The following HSPA2 variants were observed in gnomAD, a reference collection of about 807,000 sequenced individuals.
HSPA2 encodes heat shock-related 70 kDa protein 2.
In HSPA2, 13 loss-of-function variants were observed where a neutral mutation model predicts 35.0. The observed-to-expected ratio is 0.37, with a 90% CI of 0.24 to 0.59. The LOEUF is 0.59. Ranked by LOEUF, HSPA2 falls within the 20% of genes least tolerant of loss-of-function variation. The pLI is 0.70. For synonymous variants in HSPA2, 368 were observed against 382.1 expected (o/e 0.96, Z 0.43); for missense variants, 565 against 885.4 (o/e 0.64, Z 4.59).
At chr14:64,539,826 C>G (rs562367618), upstream of HSPA2, among the ~76,000 whole-genome samples, 18 of 152,310 alleles carry the variant, frequency 1.2e-4, no homozygotes, top group South Asian at 3.5e-3. Context: ...AGACTACAGG[C>G]ACGCGCCACC....
rs1391283956 is a variant in HSPA2 at position 64,541,721 on chromosome 14, A to G, written c.872A>G (p.Tyr291Cys). ...GCGAGCATCGAGATCGACTCGCTCT[A>G]CGAGGGCGTGGACTTCTATACGTCC... ...TQASIEIDSL[Y>C]EGVDFYTSIT... The change falls in exon 1 of 1, where the codon TAC (tyrosine) becomes TGC (cysteine). Residue 291 changes from tyrosine (Y) to cysteine (C), a missense_variant. This residue lies in a region of HSPA2 where 234 missense variants were observed against 419.0 expected (regional missense o/e 0.56). Coordinates refer to ENST00000247207, the MANE Select transcript of HSPA2 (RefSeq NM_021979.4). 1 of 1,611,932 alleles carries G rather than the reference A, an allele frequency of 6.2e-7. No homozygotes were observed. Among genetic ancestry groups the G allele is most frequent in the South Asian group, 1.1e-5 (1 of 90,968 alleles).
chr14:64,538,070 A>C (rs1281253943), upstream of HSPA2, among the ~76,000 whole-genome samples: 1 of 152,102 alleles, frequency 6.6e-6, no homozygotes, highest in Non-Finnish European at 1.5e-5. Context: ...AAATTTTTTC[A>C]AATTCATGGA....
At chr14:64,537,453 G>A (rs946675627), upstream of HSPA2, among the ~76,000 whole-genome samples, 3 of 151,844 alleles carry the variant, frequency 2.0e-5, no homozygotes, top group Non-Finnish European at 4.4e-5. Context: ...TTAGATGGAC[G>A]TGCTGGTGCA....
chr14:64,537,452 C>T (rs182795432), upstream of HSPA2, among the ~76,000 whole-genome samples: 5 of 151,940 alleles, frequency 3.3e-5, no homozygotes, highest in East Asian at 2.0e-4. Flanking sequence ...ATTAGATGGA[C>T]GTGCTGGTGC....
Position 64,541,722 on chromosome 14 carries a change from C to G in HSPA2, c.873C>G (p.Tyr291Ter). The G allele has an allele frequency of 6.2e-7, 1 of 1,611,860 alleles. No individual in the cohort carries two copies. Among genetic ancestry groups the G allele is most frequent in the Non-Finnish European group, 8.5e-7 (1 of 1,179,504 alleles). Residue 291 changes from tyrosine (Y) to a stop codon, truncating the protein, a stop_gained, in exon 1 of 1, where the codon TAC (tyrosine) becomes TAG (stop). Coordinates refer to ENST00000247207, the MANE Select transcript of HSPA2 (RefSeq NM_021979.4). LOFTEE classifies it high-confidence loss of function. ...CGAGCATCGAGATCGACTCGCTCTA[C>G]GAGGGCGTGGACTTCTATACGTCCA... ...TQASIEIDSL[Y>*]EGVDFYTSIT... is the part of the protein sequence containing the mutation.
rs902842065 is a variant in HSPA2, at chr14:64,540,750, G to A, written c.-100G>A. On this transcript the variant is annotated 5_prime_UTR_variant, in exon 1 of 1. Transcript: ENST00000247207. ...CTGGGCGCGGGGAGCTGAGTTGCTG[G>A]TAGTGCCCGTGGTGCTTGGTTCGAG... is the stretch of plus-strand genomic sequence containing the variant. The A allele has an allele frequency of 1.0e-5, 16 of 1,529,996 alleles. No individual in the cohort carries two copies. The African/African-American group carries it at 2.1e-4, about 20-fold the overall frequency. The allele number at this position is 1,529,996 out of a possible 1,614,324, so 94.8% of individuals were successfully genotyped here.
upstream of HSPA2, among the ~76,000 whole-genome samples, chr14:64,538,077 T>G (rs929348518): frequency 6.6e-6 from 1 of 152,176 alleles, no homozygotes; most frequent in South Asian, 2.1e-4. Context: ...TTCAAATTCA[T>G]GGAAAAGAGG....
chr14:64,541,851 C>G lies in HSPA2; in HGVS notation c.1002C>G (p.Ile334Met), dbSNP rs1156330536. ...ACGCCAAGCTGGACAAGGGCCAGAT[C>G]CAGGAGATCGTGCTGGTGGGCGGCT... ...LRDAKLDKGQ[I>M]QEIVLVGGST... Residue 334 changes from isoleucine (I) to methionine (M), a missense_variant, in exon 1 of 1, where the codon ATC (isoleucine) becomes ATG (methionine). By Grantham distance (10) the Ile-to-Met change is conservative. Around this residue, in one of 4 missense-constraint regions of HSPA2, gnomAD observed 234 missense variants for 419.0 expected, o/e 0.56. Coordinates refer to ENST00000247207, the MANE Select transcript of HSPA2 (RefSeq NM_021979.4). 6.2e-7 allele frequency: 1 copy of G among 1,613,644 alleles called. No homozygotes were observed. Among genetic ancestry groups the G allele is most frequent in the Non-Finnish European group, 8.5e-7 (1 of 1,180,038 alleles).
At chr14:64,538,633 T>G (rs1240199587), upstream of HSPA2, among the ~76,000 whole-genome samples, 1 of 152,246 alleles carries the variant, frequency 6.6e-6, no homozygotes, top group African/African-American at 2.4e-5. Flanking sequence ...TGCCCCTCTG[T>G]GTTCCCATGG....
upstream of HSPA2, among the ~76,000 whole-genome samples, chr14:64,539,889 C>T (rs1182914377): frequency 6.6e-6 from 1 of 152,168 alleles, no homozygotes; most frequent in African/African-American, 2.4e-5. Context: ...ACCATGTTGG[C>T]CAGGATGGTC....
chr14:64,541,424 C>T lies in HSPA2; in HGVS notation c.575C>T (p.Ala192Val), dbSNP rs2140204262. The stretch of plus-strand genomic sequence containing the variant: ...TACGGCCTGGACAAGAAGGGCTGCG[C>T]GGGCGGCGAGAAGAACGTGCTCATC... ...IAYGLDKKGC[A>V]GGEKNVLIFD... Residue 192 changes from alanine to valine, a missense_variant, in exon 1 of 1, where the codon GCG becomes GTG. Ala to Val is a moderately conservative substitution (Grantham distance 64). Coordinates refer to ENST00000247207, the MANE Select transcript of HSPA2 (RefSeq NM_021979.4). 5 of 1,613,322 alleles carry T rather than the reference C, an allele frequency of 3.1e-6. No homozygotes were observed. Among genetic ancestry groups the T allele is most frequent in the Non-Finnish European group, 4.2e-6 (5 of 1,179,676 alleles).
chr14:64,541,787 T>A lies in HSPA2; in HGVS notation c.938T>A (p.Phe313Tyr). Residue 313 changes from phenylalanine (F) to tyrosine (Y), a missense_variant, in exon 1 of 1, where the codon TTT becomes TAT. By Grantham distance (22) the Phe-to-Tyr change is conservative. This residue lies in a region of HSPA2 where 234 missense variants were observed against 419.0 expected (regional missense o/e 0.56). Coordinates refer to ENST00000247207, the MANE Select transcript of HSPA2 (RefSeq NM_021979.4). Reference protein sequence around the residue: ...ARFEELNADLFRGTLEPVEKA... With the variant: ...ARFEELNADLYRGTLEPVEKA... ...TTCGAGGAGCTCAATGCCGACCTCTTTCGCGGGACCCTGGAGCCGGTGGAG... is the reference window on the plus strand; with the variant it reads ...TTCGAGGAGCTCAATGCCGACCTCTATCGCGGGACCCTGGAGCCGGTGGAG... 9 of 1,613,338 alleles carry A rather than the reference T, an allele frequency of 5.6e-6. No individual in the cohort carries two copies. The highest frequency in any genetic ancestry group is 7.6e-6 in the Non-Finnish European group (9 of 1,179,992).
chr14:64,542,941 G>A lies in HSPA2; in HGVS notation c.*172G>A. 2 of 1,195,342 alleles carry A rather than the reference G, an allele frequency of 1.7e-6. No homozygotes were observed. The allele number at this position is 1,195,342 out of a possible 1,614,324, so 74.0% of individuals were successfully genotyped here. ...TTAGTTTAATTATAAAAGTTCCAAA[G>A]TTTGTTTTTTAAAAACATTATTCGA... On this transcript the variant is annotated 3_prime_UTR_variant, in exon 1 of 1. Transcript: ENST00000247207. This position sits in a 1 kb window ranked among gnomAD's most constrained non-coding sequence, Gnocchi z 5.7.
At chr14:64,538,681 C>T (rs2079998565), upstream of HSPA2, among the ~76,000 whole-genome samples, 1 of 152,160 alleles carries the variant, frequency 6.6e-6, no homozygotes, top group Admixed American at 6.5e-5. Context: ...TTATGTTTAC[C>T]TGTTTATTAG....
At chr14:64,537,913 GAC>G (rs2079991817), upstream of HSPA2, among the ~76,000 whole-genome samples, 2 of 151,810 alleles carry the variant, frequency 1.3e-5, no homozygotes, top group Non-Finnish European at 2.9e-5. Context: ...TTTTAGTAGA[GAC>G]AGGGTTTCAC....
chr14:64,537,527 G>C (rs1489835214), upstream of HSPA2, among the ~76,000 whole-genome samples: 1 of 151,636 alleles, frequency 6.6e-6, no homozygotes, highest in Non-Finnish European at 1.5e-5. Flanking sequence ...GGAGGCAGAG[G>C]TTGCAGTGAG....
upstream of HSPA2, chr14:64,540,495 A>G: frequency 3.5e-6 from 1 of 286,270 alleles, no homozygotes; most frequent in Non-Finnish European, 6.6e-6. Flanking sequence ...GCGAGGCACC[A>G]CGGCCTGGCG....
At position 64,542,804 on chromosome 14, in the gene HSPA2, T is replaced by TTC. The variant is rs1354805315; in HGVS notation, c.*47_*48dup. On this transcript the variant is annotated 3_prime_UTR_variant, in exon 1 of 1. Transcript: ENST00000247207. The surrounding 1 kb of genome is among the most constrained non-coding windows in gnomAD (Gnocchi z 5.7). ...CAAGTCAGCGTAAACCTCTTTGCCT[T>TTC]TCTCTCTCTCTCTTTTTTTTTGTTT... The TTC allele has an allele frequency of 4.2e-5, 63 of 1,506,592 alleles. No individual in the cohort carries two copies. The highest frequency in any genetic ancestry group is 1.0e-4 in the East Asian group (4 of 39,914). 93.3% of individuals were successfully genotyped at this position (1,506,592 alleles called of 1,614,324 possible).
chr14:64,537,848 T>C (rs1440038978), upstream of HSPA2, among the ~76,000 whole-genome samples: 1 of 150,678 alleles, frequency 6.6e-6, no homozygotes, highest in South Asian at 2.2e-4. Flanking sequence ...TGCCTCAGCC[T>C]CCCAAGTAGC....
Sources: gnomAD v4.1 joint callset for allele counts (sites outside exome capture counted in the v4.1 genomes callset) on GRCh38, gnomAD v4.1.1 for gene constraint, gnomAD v4.1.1 regional missense constraint, Gnocchi (gnomAD v3.1) non-coding constraint, MANE v1.5 for transcripts, NCBI Gene and HGNC (gene_info 2026-07-23, HGNC 2026-07-21) for gene names.